The following PCDH11Y variants were observed in gnomAD, a reference collection of about 807,000 sequenced individuals.
PCDH11Y encodes protocadherin-11 Y-linked.
For missense variants in PCDH11Y, 12 were observed against 224.8 expected (o/e 0.05, Z 6.05); for synonymous variants, 9 against 83.6 (o/e 0.11, Z 4.87).
chrY:5,086,495 G>C, intron 1 of PCDH11Y, among the ~76,000 whole-genome samples: 1 of 31,704 alleles, frequency 3.2e-5, no homozygotes, highest in African/African-American at 1.2e-4. Context: ...TCAGTGTTTA[G>C]GCATTGAAGA....
intron 2 of PCDH11Y, among the ~76,000 whole-genome samples, chrY:5,358,218 G>A: frequency 2.9e-5 from 1 of 34,006 alleles, no homozygotes; most frequent in Non-Finnish European, 7.3e-5. Flanking sequence ...TTACAGGCAT[G>A]AGCCACCGCT....
chrY:5,237,689 A>G, intron 2 of PCDH11Y, among the ~76,000 whole-genome samples: 1 of 33,120 alleles, frequency 3.0e-5, no homozygotes, highest in Admixed American at 2.8e-4. Context: ...TCTCAGCCCA[A>G]AATCTCCTTA....
intron 4 of PCDH11Y, among the ~76,000 whole-genome samples, chrY:5,666,649 G>C: frequency 3.1e-5 from 1 of 32,385 alleles, no homozygotes; most frequent in South Asian, 6.8e-4. Context: ...TTCTCACCTG[G>C]AGTTTCTAAG....
intron 2 of PCDH11Y, among the ~76,000 whole-genome samples, chrY:5,244,012 C>T (rs2052992074): frequency 3.1e-5 from 1 of 32,654 alleles, no homozygotes; most frequent in African/African-American, 1.2e-4. Flanking sequence ...TAAAATCAAC[C>T]GCATAATCAG....
At chrY:5,207,405 A>G in intron 2 of PCDH11Y, 6 of 274,501 alleles carry the variant, frequency 2.2e-5, no homozygotes, top group Non-Finnish European at 3.5e-5. Context: ...CTTGGCTGCT[A>G]TTTTGAAATG....
chrY:5,424,503 C>G (rs2124679836), intron 2 of PCDH11Y, among the ~76,000 whole-genome samples: 1 of 33,516 alleles, frequency 3.0e-5, no homozygotes, highest in African/African-American at 1.2e-4. Context: ...CTTTTCTGTT[C>G]TGGTTGAAAT....
chrY:5,423,007 A>G (rs1602923096), intron 2 of PCDH11Y, among the ~76,000 whole-genome samples: 1 of 32,934 alleles, frequency 3.0e-5, no homozygotes, highest in African/African-American at 1.2e-4. Flanking sequence ...AGAATTAGAG[A>G]AAGTATTTGC....
intron 3 of PCDH11Y, among the ~76,000 whole-genome samples, chrY:5,527,225 A>G: frequency 6.0e-5 from 2 of 33,419 alleles, no homozygotes; most frequent in African/African-American, 1.2e-4. Context: ...AGAGGGAGCA[A>G]TATCAGGTAC....
chrY:5,355,521 C>T (rs2053164991), intron 2 of PCDH11Y, among the ~76,000 whole-genome samples: 2 of 30,444 alleles, frequency 6.6e-5, no homozygotes, highest in African/African-American at 2.6e-4. Flanking sequence ...TCATTTTTTG[C>T]ACAGATACCC....
intron 4 of PCDH11Y, among the ~76,000 whole-genome samples, chrY:5,661,086 G>A (rs2053540970): frequency 3.1e-5 from 1 of 32,631 alleles, no homozygotes; most frequent in Non-Finnish European, 7.5e-5. Flanking sequence ...AGAATTGCTT[G>A]AACCCAGGCG....
intron 2 of PCDH11Y, chrY:5,032,661 A>T (rs1369687104): frequency 2.6e-6 from 1 of 387,849 alleles, no homozygotes; most frequent in Non-Finnish European, 3.6e-6. Flanking sequence ...TTTATCCCCC[A>T]CTCAACAGCT....
At chrY:5,470,245 A>G in intron 2 of PCDH11Y, among the ~76,000 whole-genome samples, 1 of 31,930 alleles carries the variant, frequency 3.1e-5, no homozygotes, top group Non-Finnish European at 7.8e-5. Flanking sequence ...ACAGATAGAG[A>G]CAAAAATATG....
chrY:5,220,843 C>T (rs2052953767), intron 2 of PCDH11Y, among the ~76,000 whole-genome samples: 1 of 27,901 alleles, frequency 3.6e-5, no homozygotes. Context: ...CTCAGCCTCC[C>T]GAGTAGCTGG....
At chrY:5,701,831 GA>G (rs2053578274) in intron 4 of PCDH11Y, among the ~76,000 whole-genome samples, 2 of 33,426 alleles carry the variant, frequency 6.0e-5, no homozygotes, top group Non-Finnish European at 1.5e-4. Context: ...ACCAGCCCAT[GA>G]AAGCATCCAG....
chrY:5,015,611 G>T, intron 1 of PCDH11Y, among the ~76,000 whole-genome samples: 1 of 32,231 alleles, frequency 3.1e-5, no homozygotes, highest in Admixed American at 2.9e-4. Flanking sequence ...TGCTGTTGGG[G>T]TATTCATTCT....
intron 4 of PCDH11Y, among the ~76,000 whole-genome samples, chrY:5,630,836 T>C: frequency 1.5e-4 from 5 of 33,008 alleles, no homozygotes; most frequent in Non-Finnish European, 3.7e-4. Flanking sequence ...CTTAATTCAG[T>C]ATGTTTCTAT....
intron 3 of PCDH11Y, among the ~76,000 whole-genome samples, chrY:5,505,273 C>T (rs2053358068): frequency 6.1e-5 from 2 of 32,869 alleles, no homozygotes; most frequent in Non-Finnish European, 1.5e-4. Context: ...AAAAATCCCC[C>T]TAAAATGAAG....
At chrY:5,444,015 G>A in intron 2 of PCDH11Y, among the ~76,000 whole-genome samples, 2 of 32,814 alleles carry the variant, frequency 6.1e-5, no homozygotes, top group Admixed American at 5.7e-4. Context: ...CACAAATATA[G>A]ATAAATAAAA....
At chrY:5,324,923 C>G (rs112034064) in intron 2 of PCDH11Y, among the ~76,000 whole-genome samples, 1 of 30,879 alleles carries the variant, frequency 3.2e-5, no homozygotes, top group Non-Finnish European at 7.8e-5. Flanking sequence ...CGTTTTATAG[C>G]ATTTGGGTAG....
Sources: gnomAD v4.1 joint callset for allele counts (sites outside exome capture counted in the v4.1 genomes callset) on GRCh38, gnomAD v4.1.1 for gene constraint, MANE v1.5 for transcripts, NCBI Gene and HGNC (gene_info 2026-07-23, HGNC 2026-07-21) for gene names.